C12orf42: variants seen among roughly 807,000 people sequenced by gnomAD.
C12orf42 encodes the protein uncharacterized protein C12orf42.
In C12orf42, 25 loss-of-function variants were observed where a neutral mutation model predicts 21.6. The ratio of observed to expected loss-of-function variants is 1.16; its 90% CI spans 0.84 to 1.62. The LOEUF is 1.62. Ranked by LOEUF, C12orf42 falls within the 40% of genes most tolerant of loss-of-function variation. The pLI is 0.00. For synonymous variants in C12orf42, 174 were observed against 175.0 expected, an observed-to-expected ratio of 0.99 and a Z score of 0.05; for missense variants, 483 against 459.3, an observed-to-expected ratio of 1.05 and a Z score of -0.47.
chr12:103,250,555 G>A (rs1269224719), intron 10 of C12orf42, among the ~76,000 whole-genome samples: 5 of 152,110 alleles, frequency 3.3e-5, no homozygotes, highest in Non-Finnish European at 7.4e-5. Flanking sequence ...TGAATGTCCA[G>A]TGCTCTTGTT....
chr12:103,357,085 G>T (rs1593588464), intron 4 of C12orf42, among the ~76,000 whole-genome samples: 2 of 144,246 alleles, frequency 1.4e-5, no homozygotes, highest in South Asian at 4.6e-4. Context: ...CTCATAGGTG[G>T]GAATTGAACA....
chr12:103,197,608 T>C, the C12orf42 span, among the ~76,000 whole-genome samples: 6 of 152,234 alleles, frequency 3.9e-5, no homozygotes, highest in African/African-American at 9.6e-5. Context: ...GGAGAGCTAG[T>C]ATGGTCACTT....
At position 103,302,390 on chromosome 12, in the gene C12orf42, G is replaced by A. The variant is rs759800850; in HGVS notation, c.801C>T (p.Gly267=). ...CTTTTCCGACGGGATTTCCGGACGC[G>A]CCCAGGAGTCTGCTTTGGATGTCGT... ...HPDDIQSRLL[G]ASGNPVGKGA... is the part of the protein sequence containing the mutation. Residue 267 remains glycine (G), a synonymous_variant, in exon 6 of 6, where the codon GGC becomes GGT. Coordinates refer to ENST00000548883, the MANE Select transcript of C12orf42 (RefSeq NM_198521.5). The A allele has an allele frequency of 6.2e-7, 1 of 1,613,892 alleles. No homozygotes were observed. The highest frequency in any genetic ancestry group is 8.5e-7 in the Non-Finnish European group (1 of 1,179,870).
chr12:103,552,790 A>AAAG, the C12orf42 span, among the ~76,000 whole-genome samples: 4 of 152,192 alleles, frequency 2.6e-5, no homozygotes, highest in Non-Finnish European at 5.9e-5. Flanking sequence ...TTTATAAAGA[A>AAAG]AAGAGGTTTC....
At chr12:103,256,205 T>TATAA (rs2034610972) in intron 10 of C12orf42, among the ~76,000 whole-genome samples, 1 of 145,342 alleles carries the variant, frequency 6.9e-6, no homozygotes, top group Admixed American at 7.0e-5. Context: ...TATATATATA[T>TATAA]AACTAAACTT....
chr12:103,431,108 A>G (rs996968236), intron 2 of C12orf42: 1 of 147,698 alleles, frequency 6.8e-6, no homozygotes, highest in African/African-American at 2.5e-5. Flanking sequence ...TAAAAAAAAT[A>G]CCAAGGTACT....
At chr12:103,226,571 C>A in the C12orf42 span, among the ~76,000 whole-genome samples, 1 of 152,090 alleles carries the variant, frequency 6.6e-6, no homozygotes, top group Non-Finnish European at 1.5e-5. Context: ...TAGCTCCAGC[C>A]ACCTTTTTAA....
intron 4 of C12orf42, among the ~76,000 whole-genome samples, chr12:103,350,080 A>T (rs898187490): frequency 6.6e-6 from 1 of 152,156 alleles, no homozygotes; most frequent in Non-Finnish European, 1.5e-5. Context: ...ATTTAGGAAG[A>T]TAAGATAATG....
the C12orf42 span, among the ~76,000 whole-genome samples, chr12:103,215,896 T>A: frequency 1.3e-5 from 2 of 152,214 alleles, no homozygotes; most frequent in Non-Finnish European, 1.5e-5. Flanking sequence ...AATTTCTAAA[T>A]CTTCTAAGAA....
chr12:103,066,255 A>C, the C12orf42 span, among the ~76,000 whole-genome samples: 20 of 152,170 alleles, frequency 1.3e-4, no homozygotes, highest in Admixed American at 1.3e-3. Flanking sequence ...ATCTAGCCAT[A>C]AAGTGGGTTG....
At position 103,468,726 on chromosome 12, in the gene C12orf42, GA is replaced by G. The variant is rs769543967; in HGVS notation, c.78+9622del. 5.9e-4 allele frequency among the ~76,000 whole-genome samples: 82 copies of G among 139,434 alleles called. 1 individual carries two copies. The highest frequency in any genetic ancestry group is 2.2e-3 in the Admixed American group (31 of 13,982). The allele number at this position is 139,434 out of a possible 152,430, so 91.5% of individuals were successfully genotyped here. On this transcript the variant is annotated intron_variant, in intron 2 of 5. Transcript: ENST00000548883. ...ATACAAAACAAACCCTATGGGGAAA[GA>G]AAAAAAAAAACGGGTCGATGAATTC...
chr12:103,540,036 G>A, the C12orf42 span, among the ~76,000 whole-genome samples: 8 of 126,524 alleles, frequency 6.3e-5, no homozygotes, highest in East Asian at 1.9e-3. Flanking sequence ...TCTTGAGACA[G>A]TCTTGCTTTG....
chr12:103,288,130 A>C (rs2036587418), intron 4 of C12orf42, among the ~76,000 whole-genome samples: 1 of 152,206 alleles, frequency 6.6e-6, no homozygotes, highest in African/African-American at 2.4e-5. Context: ...GGAACTGATG[A>C]GATATTCTCC....
rs145631590 is a variant in C12orf42 at position 103,246,031 on chromosome 12, G to A, written c.*1367-8129C>T. 7.2e-5 allele frequency among the ~76,000 whole-genome samples: 11 copies of A among 152,148 alleles called. No homozygotes were observed. The East Asian group carries it at 1.9e-3, about 27-fold the overall frequency. On this transcript the variant is annotated intron_variant and NMD_transcript_variant, in intron 10 of 10. Transcript: ENST00000547347. ...GTCAACAAAGTAGCCAAAATAATGG[G>A]CAAAGTTCATTTAATTTGGCCATAT...
the C12orf42 span, among the ~76,000 whole-genome samples, chr12:103,218,402 A>C: frequency 6.6e-6 from 1 of 152,194 alleles, no homozygotes; most frequent in Non-Finnish European, 1.5e-5. Flanking sequence ...CACTTAATAA[A>C]ATAATTTCAA....
chr12:103,423,846 C>T (rs576889685), intron 2 of C12orf42, among the ~76,000 whole-genome samples: 1 of 152,260 alleles, frequency 6.6e-6, no homozygotes, highest in African/African-American at 2.4e-5. Flanking sequence ...TCGGCATCCC[C>T]TGTAAAGATA....
the C12orf42 span, among the ~76,000 whole-genome samples, chr12:103,186,100 C>T: frequency 1.9e-4 from 29 of 152,246 alleles, no homozygotes; most frequent in Middle Eastern, 0.01. Context: ...TCTGGACATA[C>T]AAAAGAAGTT....
the C12orf42 span, among the ~76,000 whole-genome samples, chr12:103,154,846 A>G: frequency 6.6e-6 from 1 of 152,244 alleles, no homozygotes; most frequent in Non-Finnish European, 1.5e-5. Flanking sequence ...TTTTTATTTA[A>G]AAAGTGAGTC....
the C12orf42 span, among the ~76,000 whole-genome samples, chr12:103,058,262 T>TC: frequency 1.3e-5 from 2 of 152,152 alleles, no homozygotes; most frequent in African/African-American, 4.8e-5. Context: ...GCCGATGAGC[T>TC]TTTTTTCATG....
Sources: gnomAD v4.1 joint callset for allele counts (sites outside exome capture counted in the v4.1 genomes callset) on GRCh38, gnomAD v4.1.1 for gene constraint, MANE v1.5 for transcripts, NCBI Gene and HGNC (gene_info 2026-07-23, HGNC 2026-07-21) for gene names.